Variants in ZHX3 observed in about 807,000 individuals in gnomAD.
ZHX3 encodes the protein zinc fingers and homeoboxes 3.
A neutral mutation model predicts 64.5 loss-of-function variants in ZHX3; 20 were observed. That is an observed-to-expected ratio of 0.31 (90% CI 0.22 to 0.45). The LOEUF (loss-of-function observed/expected upper bound fraction) is 0.45, where lower values mean the gene tolerates loss of function less well. Ranked by LOEUF, ZHX3 falls within the 20% of genes least tolerant of loss-of-function variation. The pLI is 1.00. For missense variants in ZHX3, 1,041 were observed against 1,195.8 expected, an observed-to-expected ratio of 0.87 and a Z score of 1.91; for synonymous variants, 423 against 461.6, an observed-to-expected ratio of 0.92 and a Z score of 1.07.
intron 2 of ZHX3, chr20:41,239,538 A>G (rs1297238505): frequency 6.6e-6 from 1 of 152,372 alleles, no homozygotes; most frequent in African/African-American, 2.4e-5. Context: ...CCAGCCATGA[A>G]CAAACCTCTT....
chr20:41,217,928 T>G (rs1333520426), intron 2 of ZHX3, among the ~76,000 whole-genome samples: 1 of 152,204 alleles, frequency 6.6e-6, no homozygotes, highest in East Asian at 1.9e-4. Context: ...CTGTAACTAT[T>G]TTGACATTTT....
rs1481064281 is a variant in ZHX3 at position 41,232,877 on chromosome 20, G to A, written c.-150-27811C>T. ...TGGGATTACAGGCATGAGCCACCAC[G>A]CCCGGCTGGAAAATTCTTGATATGT... On this transcript the variant is annotated intron_variant, in intron 2 of 3. Transcript: ENST00000683867. The surrounding 1 kb of genome is among the most constrained non-coding windows in gnomAD (Gnocchi z 5.0). Among the ~76,000 whole-genome samples the A allele has an allele frequency of 6.6e-6, 1 of 152,156 alleles. No individual in the cohort carries two copies. Among genetic ancestry groups the A allele is most frequent in the East Asian group, 1.9e-4 (1 of 5,196 alleles).
At chr20:41,256,999 T>C (rs79887701) in intron 2 of ZHX3, among the ~76,000 whole-genome samples, 59 of 152,272 alleles carry the variant, frequency 3.9e-4, no homozygotes, top group Non-Finnish European at 4.3e-4. Context: ...ACCCATTGTT[T>C]AGCTCCCACT....
At chr20:41,225,896 C>T (rs1224008206) in intron 2 of ZHX3, among the ~76,000 whole-genome samples, 1 of 152,186 alleles carries the variant, frequency 6.6e-6, no homozygotes, top group African/African-American at 2.4e-5. Flanking sequence ...AAATACTATA[C>T]CCATCAAATA....
rs141043822 is a variant in ZHX3 at position 41,279,636 on chromosome 20, G to T, written c.-244-10553C>A. Among the ~76,000 whole-genome samples, 40 of 152,020 alleles carry T rather than the reference G, an allele frequency of 2.6e-4. 1 individual carries two copies. The highest frequency in any genetic ancestry group is 9.6e-4 in the African/African-American group (40 of 41,492). On this transcript the variant is annotated intron_variant, in intron 1 of 3. Transcript: ENST00000683867. ...CAATATAAAAGACTACTTATTAAAAGAATATATATTATAAAAATACAAGAG... is the reference window on the plus strand; with the variant it reads ...CAATATAAAAGACTACTTATTAAAATAATATATATTATAAAAATACAAGAG...
At position 41,178,554 on chromosome 20, in the gene ZHX3, TCC is replaced by T. The variant is rs1330738467; in HGVS notation, c.*6635_*6636del. 1 of 152,662 alleles carries T rather than the reference TCC, an allele frequency of 6.6e-6. No individual in the cohort carries two copies. The highest frequency in any genetic ancestry group is 1.9e-4 in the East Asian group (1 of 5,204). The allele number at this position is 152,662 out of a possible 1,614,324, so 9.5% of individuals were successfully genotyped here. A position where few individuals can be genotyped will look rare whatever the true frequency, so the allele number is the denominator to read the frequency against. On this transcript the variant is annotated 3_prime_UTR_variant, in exon 4 of 4. Transcript: ENST00000683867. Reference sequence around the variant, plus strand: ...AATTTGTCCGTGTTCCCCTCCCTTATCCAAATCCACAGATACAAAATCTAGGA... The same window carrying T: ...AATTTGTCCGTGTTCCCCTCCCTTATAAATCCACAGATACAAAATCTAGGA...
At chr20:41,192,943 CTCACTTACCTTT>C (rs2037164190) in intron 3 of ZHX3, among the ~76,000 whole-genome samples, 1 of 152,240 alleles carries the variant, frequency 6.6e-6, no homozygotes, top group Non-Finnish European at 1.5e-5. Context: ...CTGAGGGTCT[CTCACTTACCTTT>C]TCCCCATGCT....
At chr20:41,199,824 C>T (rs868097956) in intron 3 of ZHX3, among the ~76,000 whole-genome samples, 18 of 152,030 alleles carry the variant, frequency 1.2e-4, no homozygotes, top group African/African-American at 4.3e-4. Context: ...CCTCAGCCTC[C>T]CAAATAGCTG....
At chr20:41,259,634 T>C (rs112239349) in intron 2 of ZHX3, among the ~76,000 whole-genome samples, 65 of 151,386 alleles carry the variant, frequency 4.3e-4, no homozygotes, top group Non-Finnish European at 8.2e-4. Context: ...TTTGGTAAGA[T>C]GAAGGGAGAG....
chr20:41,259,055 C>T (rs1354508579), intron 2 of ZHX3, among the ~76,000 whole-genome samples: 2 of 152,048 alleles, frequency 1.3e-5, no homozygotes, highest in African/African-American at 2.4e-5. Context: ...CTCTCATAAC[C>T]CCACCTTCAG....
In ZHX3 at chr20:41,181,227, CTA is replaced by C. The variant is rs2036240664; in HGVS notation, c.*3962_*3963del. ...GCTGGCTTTGCCCTGGAAGACTTGA[CTA>C]TGTGGGCCTTCATGTGTCTAGAGGA... is the stretch of plus-strand genomic sequence containing the variant. On this transcript the variant is annotated 3_prime_UTR_variant, in exon 4 of 4. Coordinates refer to ENST00000683867, the MANE Select transcript of ZHX3 (RefSeq NM_001384317.1). 1 of 152,230 alleles carries C rather than the reference CTA, an allele frequency of 6.6e-6. No individual in the cohort carries two copies. The allele number at this position is 152,230 out of a possible 1,614,324, so 9.4% of individuals were successfully genotyped here. A position where few individuals can be genotyped will look rare whatever the true frequency, so the allele number is the denominator to read the frequency against.
chr20:41,240,365 T>C (rs1435820578), intron 2 of ZHX3, among the ~76,000 whole-genome samples: 2 of 152,028 alleles, frequency 1.3e-5, no homozygotes, highest in African/African-American at 4.8e-5. Flanking sequence ...CTGCAAAGAG[T>C]AGTAACTCAC....
In ZHX3 at chr20:41,228,948, A is replaced by C. The variant is rs1176307638; in HGVS notation, c.-150-23882T>G. The stretch of plus-strand genomic sequence containing the variant: ...TACCATCTTAATCATTTTTAGGTGG[A>C]GAGTTCAGTAGCATTAAGTATTAAC... On this transcript the variant is annotated intron_variant, in intron 2 of 3. Transcript: ENST00000683867. The surrounding 1 kb of genome is among the most constrained non-coding windows in gnomAD (Gnocchi z 4.6). 6.6e-6 allele frequency among the ~76,000 whole-genome samples: 1 copy of C among 152,172 alleles called. No homozygotes were observed. The highest frequency in any genetic ancestry group is 1.5e-5 in the Non-Finnish European group (1 of 68,036).
chr20:41,245,282 G>A (rs939884946), intron 2 of ZHX3, among the ~76,000 whole-genome samples: 15 of 152,326 alleles, frequency 9.8e-5, no homozygotes, highest in East Asian at 1.9e-4. Context: ...GACTCCCAGC[G>A]TGGCCAGGGG....
intron 3 of ZHX3, among the ~76,000 whole-genome samples, chr20:41,192,938 G>A (rs1012036203): frequency 1.3e-5 from 2 of 152,140 alleles, no homozygotes; most frequent in Non-Finnish European, 2.9e-5. Flanking sequence ...GACCACTGAG[G>A]GTCTCTCACT....
At chr20:41,211,072 C>CA (rs1275415794) in intron 2 of ZHX3, among the ~76,000 whole-genome samples, 2 of 151,936 alleles carry the variant, frequency 1.3e-5, no homozygotes, top group African/African-American at 4.8e-5. Context: ...AACCTGAAAA[C>CA]AAAACCAATG....
At chr20:41,240,493 G>A (rs780000046) in intron 2 of ZHX3, among the ~76,000 whole-genome samples, 1 of 152,096 alleles carries the variant, frequency 6.6e-6, no homozygotes, top group African/African-American at 2.4e-5. Context: ...TCACATCAGG[G>A]TAAATGAGGA....
intron 1 of ZHX3, among the ~76,000 whole-genome samples, chr20:41,308,672 C>T (rs1384667446): frequency 1.3e-5 from 2 of 152,140 alleles, no homozygotes; most frequent in Admixed American, 6.5e-5. Flanking sequence ...CCCTCGTGAG[C>T]AGCTATTCTT....
chr20:41,192,500 G>A (rs1568788888), intron 3 of ZHX3, among the ~76,000 whole-genome samples: 1 of 152,204 alleles, frequency 6.6e-6, no homozygotes, highest in East Asian at 1.9e-4. Context: ...GAATGCATGT[G>A]CCACTCACAC....
Sources: allele counts gnomAD v4.1 joint callset (sites outside exome capture counted in the v4.1 genomes callset), GRCh38; gene constraint gnomAD v4.1.1; non-coding constraint Gnocchi (gnomAD v3.1); transcripts MANE v1.5; gene names NCBI Gene and HGNC (gene_info 2026-07-23, HGNC 2026-07-21).